Variants in ETV6 observed in about 807,000 individuals in gnomAD.
ETV6 encodes the protein ETS variant transcription factor 6.
In ETV6, 16 loss-of-function variants were observed where a neutral mutation model predicts 51.1. That is an observed-to-expected ratio of 0.31 (90% CI 0.21 to 0.48). The LOEUF (loss-of-function observed/expected upper bound fraction) is 0.48. ETV6 is among the 20% of genes least tolerant of loss of function. ETV6 has a pLI of 0.99. For missense variants in ETV6, 458 were observed against 594.8 expected (o/e 0.77, Z 2.39); for synonymous variants, 240 against 224.1 (o/e 1.07, Z -0.64).
chr12:11,769,543 A>G (rs755357846), intron 2 of ETV6, among the ~76,000 whole-genome samples: 4 of 152,106 alleles, frequency 2.6e-5, no homozygotes, highest in Admixed American at 6.5e-5. Flanking sequence ...TGTCATTTCG[A>G]GTTCATAGTA....
chr12:11,705,964 G>A (rs1865065972), intron 1 of ETV6, among the ~76,000 whole-genome samples: 1 of 152,024 alleles, frequency 6.6e-6, no homozygotes, highest in Admixed American at 6.5e-5. Context: ...GAGACTTATT[G>A]TAGCGGCAGG....
intron 1 of ETV6, chr12:11,750,791 G>GT (rs1866007231): frequency 2.5e-6 from 1 of 406,750 alleles, no homozygotes; most frequent in Non-Finnish European, 4.5e-6. Context: ...ATATGTGTGG[G>GT]CTTTTTTTTT....
intron 2 of ETV6, among the ~76,000 whole-genome samples, chr12:11,804,266 G>A (rs1235765173): frequency 6.6e-6 from 1 of 152,208 alleles, no homozygotes; most frequent in Non-Finnish European, 1.5e-5. Flanking sequence ...ACAGCATCCA[G>A]AGTAATCTGT....
In ETV6 at chr12:11,824,962, A is replaced by G. The variant is rs552420762; in HGVS notation, c.164-14178A>G. Among the ~76,000 whole-genome samples, 153 of 152,356 alleles carry G rather than the reference A, an allele frequency of 1.0e-3. 2 individuals are homozygous for G. The South Asian group carries it at 0.031, about 31-fold the overall frequency. ...ATAAAAATTTCGGAACATTGTCTTC[A>G]GATGAAAATGAGCAACAGAAAAGTA... On this transcript the variant is annotated intron_variant, in intron 2 of 7. Coordinates refer to ENST00000396373, the MANE Select transcript of ETV6 (RefSeq NM_001987.5).
At chr12:11,780,789 C>T (rs1023592890) in intron 2 of ETV6, among the ~76,000 whole-genome samples, 11 of 152,176 alleles carry the variant, frequency 7.2e-5, no homozygotes, top group African/African-American at 2.4e-4. Flanking sequence ...CCCCCACATG[C>T]GGTATGTGGA....
At chr12:11,873,049 G>A (rs564435820) in intron 5 of ETV6, among the ~76,000 whole-genome samples, 29 of 152,308 alleles carry the variant, frequency 1.9e-4, no homozygotes, top group Non-Finnish European at 3.8e-4. Flanking sequence ...AACTCCTTCA[G>A]TATAACACAA....
rs191424076 is a variant in ETV6 at position 11,725,937 on chromosome 12, C to T, written c.34-26513C>T. Among the ~76,000 whole-genome samples, 231 of 152,284 alleles carry T rather than the reference C, an allele frequency of 1.5e-3. 1 individual carries two copies. The highest frequency in any genetic ancestry group is 3.4e-3 in the Middle Eastern group (1 of 294). On this transcript the variant is annotated intron_variant, in intron 1 of 7. Coordinates refer to ENST00000396373, the MANE Select transcript of ETV6 (RefSeq NM_001987.5). Reference sequence around the variant, plus strand: ...CCTGTAGAACTGTAAGCCAAATGAACCTCTTTTCTTTATGAATTCCCCAGC... The same window carrying T: ...CCTGTAGAACTGTAAGCCAAATGAATCTCTTTTCTTTATGAATTCCCCAGC...
At chr12:11,778,672 T>C (rs1945369910) in intron 2 of ETV6, among the ~76,000 whole-genome samples, 1 of 152,192 alleles carries the variant, frequency 6.6e-6, no homozygotes, top group Non-Finnish European at 1.5e-5. Flanking sequence ...TGTTGAGCCA[T>C]AGAGCTCTTA....
chr12:11,659,143 A>G (rs981346261), intron 1 of ETV6, among the ~76,000 whole-genome samples: 1 of 152,218 alleles, frequency 6.6e-6, no homozygotes, highest in Non-Finnish European at 1.5e-5. Flanking sequence ...AAGTTTAATT[A>G]TACAGAAGAG....
At chr12:11,670,987 T>C (rs2856309) in intron 1 of ETV6, among the ~76,000 whole-genome samples, 139,102 of 152,180 alleles carry the variant, frequency 0.91, 64,476 homozygotes, top group Non-Finnish European at 0.99. Context: ...GTTCTTGCTT[T>C]TCCTTAACTG....
At chr12:11,886,661 T>G (rs1947191421) in intron 7 of ETV6, among the ~76,000 whole-genome samples, 1 of 152,142 alleles carries the variant, frequency 6.6e-6, no homozygotes, top group South Asian at 2.1e-4. Context: ...GCACTAGAAT[T>G]TTTCTTTCCA....
rs752852556 is a variant in ETV6 at position 11,884,485 on chromosome 12, T to G, written c.1050T>G (p.Ser350=). The G allele has an allele frequency of 1.2e-6, 2 of 1,614,220 alleles. No individual in the cohort carries two copies. The highest frequency in any genetic ancestry group is 2.2e-5 in the South Asian group (2 of 91,088). ...GGGATTACGTCTATCAGTTGCTTTC[T>G]GACAGCCGGTACGAAAACTTCATCC... The part of the protein sequence containing the change: ...LLWDYVYQLL[S]DSRYENFIRW... The change falls in exon 6 of 8, where the codon TCT becomes TCG. Residue 350 remains serine, a synonymous_variant. Coordinates refer to ENST00000396373, the MANE Select transcript of ETV6 (RefSeq NM_001987.5).
intron 1 of ETV6, among the ~76,000 whole-genome samples, chr12:11,682,414 G>GT (rs371014556): frequency 1.8e-4 from 27 of 152,244 alleles, no homozygotes; most frequent in African/African-American, 6.5e-4. Context: ...AGATGGGGTT[G>GT]TTTTTTCCTT....
intron 1 of ETV6, among the ~76,000 whole-genome samples, chr12:11,731,753 A>C (rs1346182845): frequency 1.3e-5 from 2 of 152,152 alleles, no homozygotes; most frequent in Admixed American, 1.3e-4. Context: ...CATAGTCATT[A>C]ATTTGCATCT....
chr12:11,864,305 A>G (rs1474372618), intron 4 of ETV6, among the ~76,000 whole-genome samples: 1 of 152,234 alleles, frequency 6.6e-6, no homozygotes, highest in East Asian at 1.9e-4. Context: ...CCTGCAGGTA[A>G]CCAGATTACT....
intron 1 of ETV6, among the ~76,000 whole-genome samples, chr12:11,692,178 G>A (rs1416082938): frequency 6.6e-6 from 1 of 152,074 alleles, no homozygotes; most frequent in African/African-American, 2.4e-5. Context: ...ATGGATTAAT[G>A]GGTTATTATG....
At chr12:11,773,306 G>A (rs986685415) in intron 2 of ETV6, among the ~76,000 whole-genome samples, 19 of 150,584 alleles carry the variant, frequency 1.3e-4, no homozygotes, top group Non-Finnish European at 2.5e-4. Flanking sequence ...AGCTCAAAGA[G>A]CCATATATAT....
At chr12:11,692,065 C>A (rs1464002191) in intron 1 of ETV6, among the ~76,000 whole-genome samples, 2 of 152,176 alleles carry the variant, frequency 1.3e-5, no homozygotes, top group Non-Finnish European at 2.9e-5. Context: ...ATGCCTTAAT[C>A]CCCGGTATGG....
At chr12:11,811,941 T>G (rs988382650) in intron 2 of ETV6, among the ~76,000 whole-genome samples, 2 of 152,206 alleles carry the variant, frequency 1.3e-5, no homozygotes, top group Non-Finnish European at 2.9e-5. Flanking sequence ...AAAGCTGAGA[T>G]GGAATCACCT....
Sources: gnomAD v4.1 joint callset for allele counts (sites outside exome capture counted in the v4.1 genomes callset) on GRCh38, gnomAD v4.1.1 for gene constraint, MANE v1.5 for transcripts, NCBI Gene and HGNC (gene_info 2026-07-23, HGNC 2026-07-21) for gene names.